RASGRF2: variants seen among roughly 807,000 people sequenced by gnomAD.
The protein encoded by RASGRF2 is Ras protein specific guanine nucleotide releasing factor 2.
In RASGRF2, 76 loss-of-function variants were observed where a neutral mutation model predicts 151.0. The observed-to-expected ratio is 0.50, with a 90% CI of 0.42 to 0.61. The LOEUF (loss-of-function observed/expected upper bound fraction) is 0.61, where lower values mean the gene tolerates loss of function less well. RASGRF2 is among the 20% of genes least tolerant of loss of function. The pLI is 0.00. For missense variants in RASGRF2, 1,148 were observed against 1,564.6 expected (o/e 0.73, Z 4.49); for synonymous variants, 504 against 566.5 (o/e 0.89, Z 1.57).
chr5:81,123,385 A>G (rs1027885339), intron 15 of RASGRF2, among the ~76,000 whole-genome samples: 7 of 152,156 alleles, frequency 4.6e-5, no homozygotes, highest in Non-Finnish European at 1.0e-4. Context: ...GTTTACTTTA[A>G]CATCTGCTGC....
At chr5:81,117,615 G>T (rs547932346) in intron 15 of RASGRF2, among the ~76,000 whole-genome samples, 1 of 152,236 alleles carries the variant, frequency 6.6e-6, no homozygotes, top group African/African-American at 2.4e-5. Context: ...CCAAATTTAT[G>T]TCCTTCTCAC....
intron 1 of RASGRF2, among the ~76,000 whole-genome samples, chr5:80,974,853 T>C (rs1157238897): frequency 6.6e-6 from 1 of 152,160 alleles, no homozygotes; most frequent in Non-Finnish European, 1.5e-5. Context: ...TAGTGGTAAT[T>C]TGAGGCCCTG....
chr5:81,156,488 A>T (rs1288582917), intron 17 of RASGRF2, among the ~76,000 whole-genome samples: 1 of 152,236 alleles, frequency 6.6e-6, no homozygotes, highest in Non-Finnish European at 1.5e-5. Context: ...AACTTATGAA[A>T]AAGTTTAACA....
At chr5:81,035,982 A>C (rs1750477281) in intron 1 of RASGRF2, among the ~76,000 whole-genome samples, 1 of 152,208 alleles carries the variant, frequency 6.6e-6, no homozygotes, top group Admixed American at 6.6e-5. Flanking sequence ...ACAGAAAAAC[A>C]ACAACAATAA....
At chr5:81,225,224 G>C (rs1371326535) in intron 26 of RASGRF2, among the ~76,000 whole-genome samples, 1 of 152,164 alleles carries the variant, frequency 6.6e-6, no homozygotes, top group African/African-American at 2.4e-5. Context: ...CTATCAATAT[G>C]AGATTATTAA....
At chr5:81,001,243 G>C (rs1262648421) in intron 1 of RASGRF2, among the ~76,000 whole-genome samples, 2 of 152,306 alleles carry the variant, frequency 1.3e-5, no homozygotes, top group East Asian at 1.9e-4. Flanking sequence ...AGCTAGACTT[G>C]ATTAGATGGG....
At chr5:81,095,512 G>C (rs1412811405) in intron 12 of RASGRF2, among the ~76,000 whole-genome samples, 1 of 152,176 alleles carries the variant, frequency 6.6e-6, no homozygotes, top group African/African-American at 2.4e-5. Flanking sequence ...TTGATCAGCA[G>C]CGCCAGTTGG....
chr5:81,196,683 C>G (rs902471574), intron 18 of RASGRF2, among the ~76,000 whole-genome samples: 1 of 140,842 alleles, frequency 7.1e-6, no homozygotes, highest in African/African-American at 2.6e-5. Context: ...GCCGGTTGAT[C>G]AAACCACTAA....
At chr5:81,045,368 A>G (rs926516574) in intron 2 of RASGRF2, among the ~76,000 whole-genome samples, 2 of 152,302 alleles carry the variant, frequency 1.3e-5, no homozygotes, top group South Asian at 4.1e-4. Flanking sequence ...AATAATGCAA[A>G]TTGCTTTAAA....
intron 1 of RASGRF2, among the ~76,000 whole-genome samples, chr5:81,036,264 G>A (rs1750489360): frequency 6.6e-6 from 1 of 151,970 alleles, no homozygotes; most frequent in Admixed American, 6.6e-5. Context: ...AATCGTTATA[G>A]TCATTGCAGA....
chr5:81,072,945 G>A (rs1751823492), intron 4 of RASGRF2, among the ~76,000 whole-genome samples: 1 of 152,210 alleles, frequency 6.6e-6, no homozygotes, highest in Non-Finnish European at 1.5e-5. Context: ...ATACTTGACT[G>A]CTCAGTACCC....
chr5:81,049,786 T>C (rs1218534012), intron 2 of RASGRF2, among the ~76,000 whole-genome samples: 1 of 152,196 alleles, frequency 6.6e-6, no homozygotes, highest in African/African-American at 2.4e-5. Flanking sequence ...TAGTAAACGA[T>C]AGAGCTGGAA....
intron 9 of RASGRF2, among the ~76,000 whole-genome samples, chr5:81,092,385 T>C (rs1314244745): frequency 6.6e-6 from 1 of 152,130 alleles, no homozygotes; most frequent in African/African-American, 2.4e-5. Flanking sequence ...CATTCTGTGC[T>C]TCAGGAAGAA....
intron 2 of RASGRF2, among the ~76,000 whole-genome samples, chr5:81,048,844 G>T (rs1750919324): frequency 6.6e-6 from 1 of 151,336 alleles, no homozygotes; most frequent in Admixed American, 6.6e-5. Flanking sequence ...GTATTTTTTG[G>T]ATCTCCTAAA....
At chr5:81,191,081 G>C (rs1205928625) in intron 18 of RASGRF2, among the ~76,000 whole-genome samples, 1 of 152,160 alleles carries the variant, frequency 6.6e-6, no homozygotes, top group African/African-American at 2.4e-5. Context: ...TCAGCATGGG[G>C]AACAATGATC....
At chr5:81,109,649 G>A (rs1752943302) in intron 13 of RASGRF2, among the ~76,000 whole-genome samples, 1 of 152,010 alleles carries the variant, frequency 6.6e-6, no homozygotes, top group Admixed American at 6.6e-5. Context: ...CTGGACAACA[G>A]TGCAAGACTC....
At chr5:80,968,541 A>G (rs1443281342) in intron 1 of RASGRF2, among the ~76,000 whole-genome samples, 1 of 152,188 alleles carries the variant, frequency 6.6e-6, no homozygotes, top group Non-Finnish European at 1.5e-5. Context: ...AATGTGTGCT[A>G]TTATAAAGGT....
intron 20 of RASGRF2, 111 bp downstream of exon 20, chr5:81,207,016 C>A: frequency 2.0e-6 from 2 of 981,788 alleles, no homozygotes; most frequent in Non-Finnish European, 3.2e-6. Flanking sequence ...GCCCTCTGTC[C>A]TATCTGTGAA....
At chr5:81,049,038 CTG>C (rs374526053) in intron 2 of RASGRF2, among the ~76,000 whole-genome samples, 1 of 152,016 alleles carries the variant, frequency 6.6e-6, no homozygotes, top group African/African-American at 2.4e-5. Context: ...TCTACTATAA[CTG>C]TTGTCACCTG....
Sources: gnomAD v4.1 joint callset for allele counts (sites outside exome capture counted in the v4.1 genomes callset) on GRCh38, gnomAD v4.1.1 for gene constraint, MANE v1.5 for transcripts, NCBI Gene and HGNC (gene_info 2026-07-23, HGNC 2026-07-21) for gene names.